UBE2E2: variants seen among roughly 807,000 people sequenced by gnomAD.
UBE2E2 encodes ubiquitin conjugating enzyme E2 E2.
UBE2E2 carries 6 observed loss-of-function variants against 24.7 expected under a neutral mutation model. The observed-to-expected ratio is 0.24, with a 90% CI of 0.13 to 0.48. The LOEUF is 0.48. UBE2E2 is among the 20% of genes least tolerant of loss of function. UBE2E2 has a pLI of 0.99. For missense variants in UBE2E2, 169 were observed against 245.0 expected (o/e 0.69, Z 2.07); for synonymous variants, 104 against 83.6 (o/e 1.24, Z -1.33).
intron 4 of UBE2E2, among the ~76,000 whole-genome samples, chr3:23,530,746 C>T (rs192412325): frequency 2.0e-5 from 3 of 152,220 alleles, no homozygotes; most frequent in African/African-American, 7.2e-5. Context: ...GATATAAGGG[C>T]GCTCAATTCT....
chr3:23,561,706 A>G (rs1480973850), intron 5 of UBE2E2, among the ~76,000 whole-genome samples: 1 of 152,122 alleles, frequency 6.6e-6, no homozygotes, highest in Non-Finnish European at 1.5e-5. Context: ...ACCCATGAGC[A>G]TGGAATGTTC....
intron 3 of UBE2E2, among the ~76,000 whole-genome samples, chr3:23,360,330 A>G (rs1417928507): frequency 2.0e-5 from 3 of 152,142 alleles, no homozygotes; most frequent in Admixed American, 1.3e-4. Flanking sequence ...CTTTCTCCCT[A>G]TTACCTTCCT....
chr3:23,582,891 G>A (rs56074088), intron 5 of UBE2E2, among the ~76,000 whole-genome samples: 72 of 148,714 alleles, frequency 4.8e-4, no homozygotes, highest in East Asian at 4.0e-3. Context: ...GTGTGTGTGT[G>A]TGTTGTGTGT....
chr3:23,354,128 C>A (rs371109476), intron 3 of UBE2E2, among the ~76,000 whole-genome samples: 14,212 of 151,640 alleles, frequency 0.094, 896 homozygotes, highest in Middle Eastern at 0.22. Context: ...GAAAAGCAAG[C>A]AATGGGGAAA....
At chr3:23,324,197 A>G (rs1694825303) in intron 3 of UBE2E2, among the ~76,000 whole-genome samples, 1 of 152,110 alleles carries the variant, frequency 6.6e-6, no homozygotes, top group Non-Finnish European at 1.5e-5. Context: ...TGCATCACTT[A>G]TGATTATTTG....
intron 3 of UBE2E2, among the ~76,000 whole-genome samples, chr3:23,346,355 C>G (rs551776075): frequency 6.6e-6 from 1 of 151,924 alleles, no homozygotes; most frequent in African/African-American, 2.4e-5. Context: ...CTACTGGGTA[C>G]AGATTTTGCT....
At chr3:23,431,507 A>AG (rs1205788348) in intron 3 of UBE2E2, among the ~76,000 whole-genome samples, 1 of 151,868 alleles carries the variant, frequency 6.6e-6, no homozygotes, top group African/African-American at 2.4e-5. Context: ...AAATCATTAA[A>AG]AAAACTTCTC....
intron 3 of UBE2E2, among the ~76,000 whole-genome samples, chr3:23,272,696 G>A (rs1292906267): frequency 6.6e-6 from 1 of 152,172 alleles, no homozygotes; most frequent in Non-Finnish European, 1.5e-5. Flanking sequence ...GAGAGATTGA[G>A]TGTAAGGAAT....
At chr3:23,524,096 T>C (rs1694933008) in intron 4 of UBE2E2, among the ~76,000 whole-genome samples, 1 of 152,168 alleles carries the variant, frequency 6.6e-6, no homozygotes. Flanking sequence ...AACATTATCA[T>C]TGAAAAATTA....
intron 3 of UBE2E2, among the ~76,000 whole-genome samples, chr3:23,409,319 T>C (rs1697445292): frequency 6.6e-6 from 1 of 152,190 alleles, no homozygotes; most frequent in Admixed American, 6.5e-5. Flanking sequence ...ATGGCTGTGA[T>C]GTAATGCCAA....
At chr3:23,247,558 T>C (rs1697447438) in intron 3 of UBE2E2, among the ~76,000 whole-genome samples, 1 of 152,166 alleles carries the variant, frequency 6.6e-6, no homozygotes, top group Admixed American at 6.5e-5. Context: ...TTCTCCATAT[T>C]GGTCAGGCTG....
chr3:23,354,696 T>G (rs1323744884), intron 3 of UBE2E2, among the ~76,000 whole-genome samples: 1 of 152,138 alleles, frequency 6.6e-6, no homozygotes, highest in African/African-American at 2.4e-5. Flanking sequence ...CTCACACCAG[T>G]TAGAATGGCA....
chr3:23,439,763 G>C (rs1698259561), intron 3 of UBE2E2, among the ~76,000 whole-genome samples: 1 of 152,032 alleles, frequency 6.6e-6, no homozygotes, highest in African/African-American at 2.4e-5. Context: ...AACACTTTCA[G>C]CGAAAACGCA....
chr3:23,453,580 G>C (rs567861057), intron 3 of UBE2E2, among the ~76,000 whole-genome samples: 1 of 152,272 alleles, frequency 6.6e-6, no homozygotes, highest in East Asian at 1.9e-4. Flanking sequence ...GCTTACAACA[G>C]TGGTTTGAGG....
chr3:23,216,123 G>A lies in UBE2E2; in HGVS notation c.177-1139G>A, dbSNP rs142729075. Among the ~76,000 whole-genome samples the A allele has an allele frequency of 4.4e-3, 672 of 152,230 alleles. 5 individuals carry two copies. Among genetic ancestry groups the A allele is most frequent in the African/African-American group, 0.015 (641 of 41,554 alleles). ...CTCAGGGACTCAATTTAATGGCCTAGCAGAATTACAATGACATTTTTTTGA... is the reference window on the plus strand; with the variant it reads ...CTCAGGGACTCAATTTAATGGCCTAACAGAATTACAATGACATTTTTTTGA... On this transcript the variant is annotated intron_variant, in intron 2 of 5. Coordinates refer to ENST00000396703, the MANE Select transcript of UBE2E2 (RefSeq NM_152653.4).
At chr3:23,335,421 G>A (rs79863482) in intron 3 of UBE2E2, among the ~76,000 whole-genome samples, 16,860 of 152,154 alleles carry the variant, frequency 0.11, 1,092 homozygotes, top group Non-Finnish European at 0.13. Flanking sequence ...GGTAGATTGC[G>A]GAGGTAGTAA....
At chr3:23,400,473 C>T (rs1697191305) in intron 3 of UBE2E2, among the ~76,000 whole-genome samples, 1 of 151,946 alleles carries the variant, frequency 6.6e-6, no homozygotes, top group South Asian at 2.1e-4. Context: ...CCCAGCTCTG[C>T]CCATTTAATG....
In UBE2E2 at chr3:23,450,295, G is replaced by C. The variant is rs747973055; in HGVS notation, c.228-49313G>C. ...GCACTGATGGAAATGTTCTCTCTCT[G>C]TGCTTCCAACATTGTAACACTAACC... On this transcript the variant is annotated intron_variant, in intron 3 of 5. Coordinates refer to ENST00000396703, the MANE Select transcript of UBE2E2 (RefSeq NM_152653.4). Among the ~76,000 whole-genome samples the C allele has an allele frequency of 1.8e-4, 28 of 152,262 alleles. 1 individual carries two copies. Among genetic ancestry groups the C allele is most frequent in the Middle Eastern group, 6.8e-3 (2 of 294 alleles).
At chr3:23,283,439 G>A (rs146599101) in intron 3 of UBE2E2, among the ~76,000 whole-genome samples, 27 of 152,204 alleles carry the variant, frequency 1.8e-4, no homozygotes, top group African/African-American at 6.5e-4. Flanking sequence ...AGAAATTTAG[G>A]TCGGTGGTTC....
Sources: gnomAD v4.1 joint callset for allele counts (sites outside exome capture counted in the v4.1 genomes callset) on GRCh38, gnomAD v4.1.1 for gene constraint, MANE v1.5 for transcripts, NCBI Gene and HGNC (gene_info 2026-07-23, HGNC 2026-07-21) for gene names.